The following HNRNPUL1 variants were observed in gnomAD, a reference collection of about 807,000 sequenced individuals.
HNRNPUL1 encodes the protein heterogeneous nuclear ribonucleoprotein U-like protein 1.
A neutral mutation model predicts 108.5 loss-of-function variants in HNRNPUL1; 14 were observed. That is an observed-to-expected ratio of 0.13 (90% CI 0.09 to 0.20). The LOEUF is 0.20. HNRNPUL1 is among the 10% of genes least tolerant of loss of function. The pLI, the probability that HNRNPUL1 is intolerant of heterozygous loss-of-function variation, is 1.00. For synonymous variants in HNRNPUL1, 422 were observed against 445.2 expected, an observed-to-expected ratio of 0.95 and a Z score of 0.66; for missense variants, 804 against 1,168.3, an observed-to-expected ratio of 0.69 and a Z score of 4.55.
chr19:41,277,570 G>GTT (rs2035645331), intron 5 of HNRNPUL1, among the ~76,000 whole-genome samples: 3 of 152,224 alleles, frequency 2.0e-5, no homozygotes, highest in South Asian at 4.1e-4. Flanking sequence ...GCAGTGGCGC[G>GTT]ATCTCGGCTC....
At position 41,264,451 on chromosome 19, in the gene HNRNPUL1, C is replaced by T; in HGVS notation, c.-53C>T. 1 of 1,321,720 alleles carries T rather than the reference C, an allele frequency of 7.6e-7. No homozygotes were observed. Among genetic ancestry groups the T allele is most frequent in the Non-Finnish European group, 9.7e-7 (1 of 1,031,226 alleles). 81.9% of individuals were successfully genotyped at this position (1,321,720 alleles called of 1,614,324 possible). Reference sequence around the variant, plus strand: ...CCTGACAGGAAAGGTTTAAGGGGGACAGAGCCCTGGGAGGCCGGGCCGGGC... The same window carrying T: ...CCTGACAGGAAAGGTTTAAGGGGGATAGAGCCCTGGGAGGCCGGGCCGGGC... On this transcript the variant is annotated 5_prime_UTR_variant, in exon 1 of 15. Coordinates refer to ENST00000392006, the MANE Select transcript of HNRNPUL1 (RefSeq NM_007040.6).
At chr19:41,300,723 C>T (rs2037157980) in intron 10 of HNRNPUL1, among the ~76,000 whole-genome samples, 1 of 152,194 alleles carries the variant, frequency 6.6e-6, no homozygotes, top group Admixed American at 6.5e-5. Context: ...TGCTAGAGCA[C>T]CGCTCTGCCA....
rs187364730 is a variant in HNRNPUL1, at chr19:41,289,929, T to C, written c.1000-2316T>C. On this transcript the variant is annotated intron_variant, in intron 7 of 14. Coordinates refer to ENST00000392006, the MANE Select transcript of HNRNPUL1 (RefSeq NM_007040.6). ...AGTTTCACCATGTTGGCCAAGATGG[T>C]CTTGATCTCTTGACCTCATGATCTG... is the stretch of plus-strand genomic sequence containing the variant. Among the ~76,000 whole-genome samples, 216 of 152,082 alleles carry C rather than the reference T, an allele frequency of 1.4e-3. 6 individuals are homozygous for C. The East Asian group carries it at 0.034, about 24-fold the overall frequency.
intron 11 of HNRNPUL1, among the ~76,000 whole-genome samples, chr19:41,301,942 A>G (rs1345998444): frequency 6.6e-6 from 1 of 152,180 alleles, no homozygotes; most frequent in Non-Finnish European, 1.5e-5. Flanking sequence ...GAAAGGATGT[A>G]TGGGAGCTAA....
chr19:41,272,335 TAA>T, intron 3 of HNRNPUL1, 100 bp downstream of exon 3: 1 of 1,168,050 alleles, frequency 8.6e-7, no homozygotes. Flanking sequence ...AGGGGCTGAG[TAA>T]AGATTCCCTC....
Position 41,294,534 on chromosome 19 carries a change from C to T in HNRNPUL1, c.1390-24C>T, listed in dbSNP as rs375183065. On this transcript the variant is annotated intron_variant, in intron 9 of 14. Coordinates refer to ENST00000392006, the MANE Select transcript of HNRNPUL1 (RefSeq NM_007040.6). The surrounding 1 kb of genome is among the most constrained non-coding windows in gnomAD (Gnocchi z 4.3). The stretch of plus-strand genomic sequence containing the variant: ...GCTGCCCTGCAACTAAAATCACTCA[C>T]CCCTCACCAATTCCTGCCCGCAGGT... 1.9e-6 allele frequency: 3 copies of T among 1,613,890 alleles called. No individual in the cohort carries two copies. The highest frequency in any genetic ancestry group is 2.7e-5 in the African/African-American group (2 of 74,944).
chr19:41,267,874 A>G (rs928308704), intron 1 of HNRNPUL1, among the ~76,000 whole-genome samples: 2 of 152,104 alleles, frequency 1.3e-5, no homozygotes, highest in Non-Finnish European at 2.9e-5. Context: ...CTCCATTCTC[A>G]TCACTGAGTC....
At chr19:41,270,362 C>T (rs2035149922) in intron 2 of HNRNPUL1, among the ~76,000 whole-genome samples, 1 of 151,768 alleles carries the variant, frequency 6.6e-6, no homozygotes, top group South Asian at 2.1e-4. Context: ...ATGATGGCAG[C>T]ACTGCATTCC....
intron 10 of HNRNPUL1, among the ~76,000 whole-genome samples, chr19:41,295,053 C>G (rs1599838042): frequency 6.6e-6 from 1 of 152,232 alleles, no homozygotes; most frequent in Non-Finnish European, 1.5e-5. Flanking sequence ...GAATCTCCAT[C>G]TCTTGGTTTG....
In HNRNPUL1 at chr19:41,306,493, G is replaced by T; in HGVS notation, c.2499G>T (p.Trp833Cys). 6.2e-7 allele frequency: 1 copy of T among 1,605,476 alleles called. No individual in the cohort carries two copies. The highest frequency in any genetic ancestry group is 8.5e-7 in the Non-Finnish European group (1 of 1,176,356). ...AGTACTATCAGAACCAGGGCCAGTG[G>T]CCGCCATACTACGGGAACTACGACT... ...WNQYYQNQGQ[W>C]PPYYGNYDYG... Residue 833 changes from tryptophan (W) to cysteine (C), a missense_variant, in exon 15 of 15, where the codon TGG becomes TGT. Around this residue, in one of 4 missense-constraint regions of HNRNPUL1, gnomAD observed 294 missense variants for 388.3 expected, o/e 0.76. Coordinates refer to ENST00000392006, the MANE Select transcript of HNRNPUL1 (RefSeq NM_007040.6).
At chr19:41,303,907 ACCCAGTTC>A in intron 12 of HNRNPUL1, 57 bp from the exon 13 acceptor site, 1 of 1,554,226 alleles carries the variant, frequency 6.4e-7, no homozygotes, top group Non-Finnish European at 8.7e-7. Flanking sequence ...CACCAAGACA[ACCCAGTTC>A]CCTGGGGTTG....
At chr19:41,295,490 T>G (rs1414466320) in intron 10 of HNRNPUL1, among the ~76,000 whole-genome samples, 1 of 152,254 alleles carries the variant, frequency 6.6e-6, no homozygotes, top group Non-Finnish European at 1.5e-5. Flanking sequence ...CACATGGTTA[T>G]TGCCTATGCA....
intron 2 of HNRNPUL1, among the ~76,000 whole-genome samples, chr19:41,269,060 G>T (rs757111286): frequency 1.3e-5 from 2 of 151,832 alleles, no homozygotes; most frequent in African/African-American, 4.8e-5. Flanking sequence ...TTAGCCAAAT[G>T]TGTCTGGAAA....
intron 1 of HNRNPUL1, 131 bp downstream of exon 1, chr19:41,264,929 G>A: frequency 7.6e-7 from 1 of 1,324,374 alleles, no homozygotes; most frequent in Non-Finnish European, 9.6e-7. Flanking sequence ...ACCCGCCGCC[G>A]AAAAGGATCT....
intron 3 of HNRNPUL1, 161 bp downstream of exon 3, chr19:41,272,396 C>G: frequency 1.4e-6 from 1 of 722,570 alleles, no homozygotes; most frequent in Non-Finnish European, 2.2e-6. Context: ...CCAGATTCAG[C>G]TTTCCTAAAC....
At chr19:41,268,862 CA>C (rs922433162) in intron 2 of HNRNPUL1, among the ~76,000 whole-genome samples, 76 of 140,296 alleles carry the variant, frequency 5.4e-4, no homozygotes, top group Admixed American at 6.4e-4. Flanking sequence ...AACTGCATCT[CA>C]AAAAAAAAAA....
chr19:41,275,660 G>A (rs1026975763), intron 4 of HNRNPUL1, among the ~76,000 whole-genome samples: 7 of 152,122 alleles, frequency 4.6e-5, no homozygotes, highest in Admixed American at 2.6e-4. Flanking sequence ...AGGCCAATTT[G>A]CAATACTGCA....
At chr19:41,263,408 C>T (rs2034616469), upstream of HNRNPUL1, among the ~76,000 whole-genome samples, 1 of 152,092 alleles carries the variant, frequency 6.6e-6, no homozygotes, top group African/African-American at 2.4e-5. Flanking sequence ...TTCGGGAGAG[C>T]GGTCGGTGAA....
intron 2 of HNRNPUL1, among the ~76,000 whole-genome samples, chr19:41,269,889 A>G (rs1352546750): frequency 1.3e-5 from 2 of 151,984 alleles, no homozygotes; most frequent in Non-Finnish European, 2.9e-5. Flanking sequence ...GCTTGAGTCC[A>G]GGAGTTCAAG....
Sources: gnomAD v4.1 joint callset for allele counts (sites outside exome capture counted in the v4.1 genomes callset) on GRCh38, gnomAD v4.1.1 for gene constraint, gnomAD v4.1.1 regional missense constraint, Gnocchi (gnomAD v3.1) non-coding constraint, MANE v1.5 for transcripts, NCBI Gene and HGNC (gene_info 2026-07-23, HGNC 2026-07-21) for gene names.